The following CNNM2 variants were observed in gnomAD, a reference collection of about 807,000 sequenced individuals.
CNNM2 encodes the protein cyclin and CBS domain divalent metal cation transport mediator 2.
A neutral mutation model predicts 66.9 loss-of-function variants in CNNM2; 12 were observed. That is an observed-to-expected ratio of 0.18 (90% CI 0.11 to 0.29). The LOEUF is 0.29. Ranked by LOEUF, CNNM2 falls within the 10% of genes least tolerant of loss-of-function variation. The pLI is 1.00. For missense variants in CNNM2, 705 were observed against 1,167.7 expected, an observed-to-expected ratio of 0.60 and a Z score of 5.77; for synonymous variants, 557 against 501.8, an observed-to-expected ratio of 1.11 and a Z score of -1.47.
At chr10:103,003,132 A>G (rs113511202) in intron 1 of CNNM2, among the ~76,000 whole-genome samples, 1 of 84,322 alleles carries the variant, frequency 1.2e-5, no homozygotes, top group Admixed American at 1.2e-4. Context: ...TTTTTTTTTT[A>G]ATAGGAGTCT....
intron 1 of CNNM2, among the ~76,000 whole-genome samples, chr10:103,023,075 T>C (rs2095687798): frequency 6.6e-6 from 1 of 152,120 alleles, no homozygotes; most frequent in Non-Finnish European, 1.5e-5. Flanking sequence ...GCTAATTTTT[T>C]GTATTTTTTA....
Position 103,089,585 on chromosome 10 carries a change from G to A in CNNM2, c.*12405G>A, listed in dbSNP as rs1314101653. 2.1e-5 allele frequency: 31 copies of A among 1,444,532 alleles called. No individual in the cohort carries two copies. In the East Asian group the frequency reaches 2.5e-4, roughly 12 times the overall value. The allele number at this position is 1,444,532 out of a possible 1,614,324, so 89.5% of individuals were successfully genotyped here. A position where few individuals can be genotyped will look rare whatever the true frequency, so the allele number is the denominator to read the frequency against. On this transcript the variant is annotated 3_prime_UTR_variant, in exon 8 of 8. Transcript: ENST00000369878. ...TTTCATGGAGCCCCCTCCCTCCCCCGAGTAGAACCCTAACAGGGACCTCGT... is the reference window on the plus strand; with the variant it reads ...TTTCATGGAGCCCCCTCCCTCCCCCAAGTAGAACCCTAACAGGGACCTCGT...
At chr10:102,966,457 C>T (rs1176969304) in intron 1 of CNNM2, among the ~76,000 whole-genome samples, 1 of 152,170 alleles carries the variant, frequency 6.6e-6, no homozygotes, top group Admixed American at 6.5e-5. Context: ...GGCGAAACCC[C>T]ATCTCTACTA....
chr10:102,965,563 C>T (rs1040702869), intron 1 of CNNM2, among the ~76,000 whole-genome samples: 2 of 152,156 alleles, frequency 1.3e-5, no homozygotes, highest in Non-Finnish European at 2.9e-5. Flanking sequence ...TTGAAGATTG[C>T]CAGTAGATGG....
intron 1 of CNNM2, among the ~76,000 whole-genome samples, chr10:102,965,074 C>T (rs990987584): frequency 2.0e-5 from 3 of 152,164 alleles, no homozygotes; most frequent in Non-Finnish European, 2.9e-5. Flanking sequence ...TCAGCCTGCC[C>T]GCGCCTTGAT....
intron 1 of CNNM2, among the ~76,000 whole-genome samples, chr10:102,978,077 C>T (rs934702709): frequency 6.6e-6 from 1 of 151,770 alleles, no homozygotes; most frequent in African/African-American, 2.4e-5. Context: ...GCCTGGCTAA[C>T]TTTTTGTATT....
chr10:102,949,803 TAAC>T (rs1416294804), intron 1 of CNNM2, among the ~76,000 whole-genome samples: 12 of 151,810 alleles, frequency 7.9e-5, no homozygotes, highest in Admixed American at 3.3e-4. Flanking sequence ...ATAATAATAA[TAAC>T]AATAATAATA....
intron 1 of CNNM2, among the ~76,000 whole-genome samples, chr10:102,987,810 G>A (rs906412271): frequency 5.3e-5 from 8 of 152,128 alleles, no homozygotes; most frequent in Non-Finnish European, 8.8e-5. Context: ...CCCAACAGTT[G>A]TGTGAAATGT....
At position 103,054,513 on chromosome 10, in the gene CNNM2, G is replaced by C. The variant is rs750549572; in HGVS notation, c.1903+47G>C. The C allele has an allele frequency of 1.3e-6, 2 of 1,591,608 alleles. No individual in the cohort carries two copies. Among genetic ancestry groups the C allele is most frequent in the Admixed American group, 3.5e-5 (2 of 57,914 alleles). ...TTGAGATCTCTACCAACCCTGAAGC[G>C]TGTTTCTCACCCACCACTGACTGGG... On this transcript the variant is annotated intron_variant, in intron 3 of 7. Transcript: ENST00000369878. This position sits in a 1 kb window ranked among gnomAD's most constrained non-coding sequence, Gnocchi z 5.2.
chr10:102,918,296 C>T lies in CNNM2; in HGVS notation c.-185C>T, dbSNP rs1411916588. 5 of 1,063,320 alleles carry T rather than the reference C, an allele frequency of 4.7e-6. No homozygotes were observed. The highest frequency in any genetic ancestry group is 1.8e-5 in the South Asian group (1 of 56,930). The allele number at this position is 1,063,320 out of a possible 1,614,324, so 65.9% of individuals were successfully genotyped here. ...GCGGGAGCAGCCGGCGCTCCTCTCC[C>T]TCCCTCTTTCCCTCCCGCGAGCCTC... On this transcript the variant is annotated 5_prime_UTR_variant, in exon 1 of 8. Coordinates refer to ENST00000369878, the MANE Select transcript of CNNM2 (RefSeq NM_017649.5). The surrounding 1 kb of genome is among the most constrained non-coding windows in gnomAD (Gnocchi z 4.1).
intron 1 of CNNM2, among the ~76,000 whole-genome samples, chr10:102,996,741 T>A (rs1480020688): frequency 3.3e-5 from 5 of 152,252 alleles, no homozygotes; most frequent in Non-Finnish European, 5.9e-5. Flanking sequence ...GTTAATTTAT[T>A]TGCATTATCA....
At chr10:102,999,568 A>C (rs1305324796) in intron 1 of CNNM2, among the ~76,000 whole-genome samples, 7 of 152,158 alleles carry the variant, frequency 4.6e-5, no homozygotes, top group Non-Finnish European at 1.5e-5. Flanking sequence ...GGATTCATGA[A>C]TTAGAGGACT....
intron 1 of CNNM2, among the ~76,000 whole-genome samples, chr10:103,042,074 C>CT (rs1176300257): frequency 6.6e-6 from 1 of 152,250 alleles, no homozygotes; most frequent in Admixed American, 6.5e-5. Context: ...CTTCTGCCTT[C>CT]TAGACTGATG....
In CNNM2 at chr10:102,919,158, C is replaced by T. The variant is rs778337483; in HGVS notation, c.678C>T (p.Pro226=). ...CGGGGGTGGCCGGGCTCCCGCCGCC[C>T]CCGTGGGCCGAGACCACCTGGATTT... The part of the protein sequence containing the change: ...GGSGVAGLPP[P]PWAETTWIYH... The change falls in exon 1 of 8, where the codon CCC becomes CCT. Residue 226 remains proline, a synonymous_variant. Transcript: ENST00000369878. 15 of 1,610,310 alleles carry T rather than the reference C, an allele frequency of 9.3e-6. No homozygotes were observed. The highest frequency in any genetic ancestry group is 1.3e-5 in the Non-Finnish European group (15 of 1,179,758).
chr10:102,947,034 A>G (rs960738924), intron 1 of CNNM2, among the ~76,000 whole-genome samples: 1 of 152,186 alleles, frequency 6.6e-6, no homozygotes, highest in African/African-American at 2.4e-5. Context: ...TTGATGAGAT[A>G]GGACATGTGA....
intron 2 of CNNM2, among the ~76,000 whole-genome samples, chr10:103,050,085 G>T (rs1408519542): frequency 6.6e-6 from 1 of 152,126 alleles, no homozygotes. Context: ...ACTGATGAGG[G>T]CATTACTTGC....
intron 1 of CNNM2, among the ~76,000 whole-genome samples, chr10:102,991,827 A>G (rs574476204): frequency 1.3e-5 from 2 of 152,266 alleles, no homozygotes; most frequent in African/African-American, 4.8e-5. Context: ...GCTTGAGTCT[A>G]CTTTGAAAGA....
At chr10:102,924,004 A>T (rs1303214818) in intron 1 of CNNM2, among the ~76,000 whole-genome samples, 1 of 152,244 alleles carries the variant, frequency 6.6e-6, no homozygotes, top group African/African-American at 2.4e-5. Context: ...GCTAATGAGC[A>T]TCCTTTACAC....
chr10:103,051,168 A>T (rs1209082322), intron 2 of CNNM2, among the ~76,000 whole-genome samples: 1 of 152,180 alleles, frequency 6.6e-6, no homozygotes, highest in Non-Finnish European at 1.5e-5. Flanking sequence ...GAAACATCCC[A>T]CATTTTAAAA....
Sources: gnomAD v4.1 joint callset for allele counts (sites outside exome capture counted in the v4.1 genomes callset) on GRCh38, gnomAD v4.1.1 for gene constraint, Gnocchi (gnomAD v3.1) non-coding constraint, MANE v1.5 for transcripts, NCBI Gene and HGNC (gene_info 2026-07-23, HGNC 2026-07-21) for gene names.